Variants in JAKMIP1 observed in about 807,000 individuals in gnomAD.
JAKMIP1 encodes the protein janus kinase and microtubule-interacting protein 1.
JAKMIP1 carries 33 observed loss-of-function variants against 113.0 expected under a neutral mutation model. The ratio of observed to expected loss-of-function variants is 0.29; its 90% confidence interval spans 0.22 to 0.39. JAKMIP1 has a LOEUF of 0.39. Ranked by LOEUF, JAKMIP1 falls within the 10% of genes least tolerant of loss-of-function variation. The pLI is 1.00. For missense variants in JAKMIP1, 813 were observed against 1,080.5 expected (o/e 0.75, Z 3.47); for synonymous variants, 480 against 459.9 (o/e 1.04, Z -0.56).
chr4:6,105,790 C>A lies in JAKMIP1; in HGVS notation c.307G>T (p.Ala103Ser). ...RQHEQEAART[A>S]KIKEGELQRL... is the part of the protein sequence containing the mutation. Reference sequence around the variant, plus strand: ...TGCAGCTCGCCCTCCTTGATCTTGGCGGTGCGCGCCGCCTCCTGCTCGTGC... The same window carrying A: ...TGCAGCTCGCCCTCCTTGATCTTGGAGGTGCGCGCCGCCTCCTGCTCGTGC... Residue 103 changes from alanine (A) to serine (S), a missense_variant, in exon 3 of 21, where the codon GCC becomes TCC. Physicochemically the swap from Ala to Ser is moderately conservative, Grantham distance 99. This residue lies in a region of JAKMIP1 where 540 missense variants were observed against 653.9 expected (regional missense o/e 0.83). Transcript: ENST00000409021. The A allele has an allele frequency of 1.2e-6, 2 of 1,607,494 alleles. No individual in the cohort carries two copies. The highest frequency in any genetic ancestry group is 1.7e-6 in the Non-Finnish European group (2 of 1,179,388).
At chr4:6,090,294 C>G (rs1721866610) in intron 3 of JAKMIP1, among the ~76,000 whole-genome samples, 1 of 152,004 alleles carries the variant, frequency 6.6e-6, no homozygotes, top group South Asian at 2.1e-4. Context: ...CAGGCAGAGA[C>G]TGAAGTGGTG....
At position 6,139,074 on chromosome 4, in the gene JAKMIP1, AC is replaced by A. The variant is rs1719690692; in HGVS notation, c.-147-26078del. On this transcript the variant is annotated intron_variant, in intron 1 of 20. Transcript: ENST00000409021. The surrounding 1 kb of genome is among the most constrained non-coding windows in gnomAD (Gnocchi z 5.2). ...ATTAGAAACACACACACACACACAC[AC>A]ACACACACATATACACACACACACA... 6.8e-6 allele frequency among the ~76,000 whole-genome samples: 1 copy of A among 146,002 alleles called. No homozygotes were observed. The highest frequency in any genetic ancestry group is 1.5e-5 in the Non-Finnish European group (1 of 67,726).
rs1042588493 is a variant in JAKMIP1, at chr4:6,086,654, C to T, written c.625-1025G>A. 2.6e-5 allele frequency among the ~76,000 whole-genome samples: 4 copies of T among 152,112 alleles called. No individual in the cohort carries two copies. The highest frequency in any genetic ancestry group is 9.7e-5 in the African/African-American group (4 of 41,412). On this transcript the variant is annotated intron_variant, in intron 3 of 20. Transcript: ENST00000409021. The surrounding 1 kb of genome is among the most constrained non-coding windows in gnomAD (Gnocchi z 4.1). ...TTTTCTGGATGCTCCAGTGAAGGCA[C>T]TGTCCTGGTTGAATAGCAGGCCCCC...
At chr4:6,101,250 T>C (rs889096817) in intron 3 of JAKMIP1, among the ~76,000 whole-genome samples, 4 of 152,176 alleles carry the variant, frequency 2.6e-5, no homozygotes, top group African/African-American at 9.7e-5. Flanking sequence ...TCATACTCTA[T>C]ATACAGAGAG....
intron 19 of JAKMIP1, among the ~76,000 whole-genome samples, chr4:6,030,966 C>A (rs1712568070): frequency 6.6e-6 from 1 of 152,212 alleles, no homozygotes; most frequent in South Asian, 2.1e-4. Flanking sequence ...GCTTTGAGAA[C>A]CACCACTGTG....
intron 3 of JAKMIP1, among the ~76,000 whole-genome samples, chr4:6,096,372 G>A (rs997822191): frequency 1.3e-5 from 2 of 152,102 alleles, no homozygotes; most frequent in African/African-American, 4.8e-5. Context: ...TGTTCCTCTT[G>A]TAAACTTGAC....
rs1722311057 is a variant in JAKMIP1, at chr4:6,156,978, C to T, written c.-148+43275G>A. ...AGTTCACTGTTAATCCCCAATGCAC[C>T]AGTGTAAAGAGGGGGGACCTTTAAG... On this transcript the variant is annotated intron_variant, in intron 1 of 20. Transcript: ENST00000409021. This position sits in a 1 kb window ranked among gnomAD's most constrained non-coding sequence, Gnocchi z 5.0. Among the ~76,000 whole-genome samples, 1 of 152,178 alleles carries T rather than the reference C, an allele frequency of 6.6e-6. No homozygotes were observed. Among genetic ancestry groups the T allele is most frequent in the Non-Finnish European group, 1.5e-5 (1 of 68,036 alleles).
Position 6,142,197 on chromosome 4 carries a change from A to G in JAKMIP1, c.-147-29200T>C, listed in dbSNP as rs1377341379. 1.3e-5 allele frequency among the ~76,000 whole-genome samples: 2 copies of G among 152,160 alleles called. No individual in the cohort carries two copies. Among genetic ancestry groups the G allele is most frequent in the African/African-American group, 4.8e-5 (2 of 41,430 alleles). ...ACCTCATTCCATCCTGGATTTAGGG[A>G]CACTTTGGTTATTTCTGAGGATTTT... On this transcript the variant is annotated intron_variant, in intron 1 of 20. Coordinates refer to ENST00000409021, the MANE Select transcript of JAKMIP1 (RefSeq NM_001099433.2). The surrounding 1 kb of genome is among the most constrained non-coding windows in gnomAD (Gnocchi z 5.5).
intron 1 of JAKMIP1, among the ~76,000 whole-genome samples, chr4:6,115,774 A>G (rs1334540618): frequency 2.6e-5 from 4 of 152,354 alleles, no homozygotes; most frequent in African/African-American, 9.6e-5. Flanking sequence ...ACACCACTAA[A>G]AAGCTGAAGA....
At chr4:6,062,552 G>T in intron 9 of JAKMIP1, 112 bp from the exon 10 acceptor site, 2 of 1,189,028 alleles carry the variant, frequency 1.7e-6, no homozygotes, top group Non-Finnish European at 2.4e-6. Flanking sequence ...GGCTTTGAGT[G>T]CCAGGGTCAA....
intron 5 of JAKMIP1, among the ~76,000 whole-genome samples, chr4:6,084,515 G>A (rs1318617284): frequency 1.3e-5 from 2 of 151,982 alleles, no homozygotes; most frequent in Non-Finnish European, 2.9e-5. Context: ...CTACGCTTTA[G>A]TATTGAACAA....
intron 3 of JAKMIP1, among the ~76,000 whole-genome samples, chr4:6,091,484 C>A (rs541425774): frequency 1.3e-5 from 2 of 152,314 alleles, no homozygotes; most frequent in Admixed American, 1.3e-4. Flanking sequence ...TTGTTTAATT[C>A]TAACTCTCGG....
rs112687448 is a variant in JAKMIP1 at position 6,168,913 on chromosome 4, C to CA, written c.-148+31339dup. Among the ~76,000 whole-genome samples, 4,784 of 143,844 alleles carry CA rather than the reference C, an allele frequency of 0.033. 85 individuals are homozygous for CA. The highest frequency in any genetic ancestry group is 0.052 in the Admixed American group (748 of 14,380). 94.4% of individuals were successfully genotyped at this position (143,844 alleles called of 152,430 possible). ...GAGAGCCTGTCTCAAAAAATAAAAACAAAAAAAAAAATCATAGGGACAAGA... is the reference window on the plus strand; with the variant it reads ...GAGAGCCTGTCTCAAAAAATAAAAACAAAAAAAAAAAATCATAGGGACAAGA... On this transcript the variant is annotated intron_variant, in intron 1 of 20. Transcript: ENST00000409021. The surrounding 1 kb of genome is among the most constrained non-coding windows in gnomAD (Gnocchi z 4.6).
chr4:6,041,552 C>T (rs1714319300), intron 17 of JAKMIP1, among the ~76,000 whole-genome samples: 1 of 152,190 alleles, frequency 6.6e-6, no homozygotes, highest in South Asian at 2.1e-4. Flanking sequence ...CCCAGGCTCC[C>T]CATACATCCA....
intron 1 of JAKMIP1, among the ~76,000 whole-genome samples, chr4:6,151,835 A>G (rs552798559): frequency 6.6e-6 from 1 of 152,352 alleles, no homozygotes; most frequent in African/African-American, 2.4e-5. Context: ...ATTATCCAAT[A>G]ACCATACCAA....
chr4:6,091,492 C>T (rs1301835578), intron 3 of JAKMIP1, among the ~76,000 whole-genome samples: 3 of 152,222 alleles, frequency 2.0e-5, no homozygotes, highest in Non-Finnish European at 4.4e-5. Flanking sequence ...TTCTAACTCT[C>T]GGCAGATATG....
In JAKMIP1 at chr4:6,105,530, C is replaced by T. The variant is rs758342265; in HGVS notation, c.567G>A (p.Ala189=). The change falls in exon 3 of 21, where the codon GCG becomes GCA. Residue 189 remains alanine (A), a synonymous_variant. Transcript: ENST00000409021. ...TGATGCGGTGCACCTCGTCTTGGTG[C>T]GCCTGGTAGGCGGCACGCAGGTCGG... ...KAADLRAAYQ[A]HQDEVHRIKR... 1.9e-6 allele frequency: 3 copies of T among 1,608,222 alleles called. No individual in the cohort carries two copies. The highest frequency in any genetic ancestry group is 2.2e-5 in the South Asian group (2 of 89,910).
chr4:6,188,530 A>T lies in JAKMIP1; in HGVS notation c.-148+11723T>A, dbSNP rs2109054208. On this transcript the variant is annotated intron_variant, in intron 1 of 20. Coordinates refer to ENST00000409021, the MANE Select transcript of JAKMIP1 (RefSeq NM_001099433.2). This position sits in a 1 kb window ranked among gnomAD's most constrained non-coding sequence, Gnocchi z 5.8. ...ACACCCCAAACCTCCTTGCCACTTG[A>T]CCTCTTAGCATACCCCCAAAGCCCT... Among the ~76,000 whole-genome samples, 1 of 152,112 alleles carries T rather than the reference A, an allele frequency of 6.6e-6. No individual in the cohort carries two copies. The highest frequency in any genetic ancestry group is 1.9e-4 in the East Asian group (1 of 5,160).
rs1431402180 is a variant in JAKMIP1 at position 6,167,836 on chromosome 4, T to C, written c.-148+32417A>G. Among the ~76,000 whole-genome samples, 1 of 152,186 alleles carries C rather than the reference T, an allele frequency of 6.6e-6. No individual in the cohort carries two copies. The highest frequency in any genetic ancestry group is 2.4e-5 in the African/African-American group (1 of 41,430). On this transcript the variant is annotated intron_variant, in intron 1 of 20. Coordinates refer to ENST00000409021, the MANE Select transcript of JAKMIP1 (RefSeq NM_001099433.2). This position sits in a 1 kb window ranked among gnomAD's most constrained non-coding sequence, Gnocchi z 5.3. The stretch of plus-strand genomic sequence containing the variant: ...ACTTGAAAATTAAAAGACATCTGAG[T>C]GCACTGAATGCTTCGGTTTAGAGCA...
Sources: gnomAD v4.1 joint callset for allele counts (sites outside exome capture counted in the v4.1 genomes callset) on GRCh38, gnomAD v4.1.1 for gene constraint, gnomAD v4.1.1 regional missense constraint, Gnocchi (gnomAD v3.1) non-coding constraint, MANE v1.5 for transcripts, NCBI Gene and HGNC (gene_info 2026-07-23, HGNC 2026-07-21) for gene names.